Variants in COMMD10 observed in about 807,000 individuals in gnomAD.
COMMD10 encodes COMM domain containing 10.
In COMMD10, 33 loss-of-function variants were observed where a neutral mutation model predicts 28.9. The ratio of observed to expected loss-of-function variants is 1.14; its 90% CI spans 0.87 to 1.53. COMMD10 has a LOEUF of 1.53. Ranked by LOEUF, COMMD10 falls within the 40% of genes most tolerant of loss-of-function variation. The pLI is 0.00. For missense variants in COMMD10, 310 were observed against 233.4 expected (o/e 1.33, Z -2.14); for synonymous variants, 110 against 81.7 (o/e 1.35, Z -1.87).
In COMMD10 at chr5:116,219,508, A is replaced by G. The variant is rs534259284; in HGVS notation, c.511-72009A>G. Among the ~76,000 whole-genome samples, 46 of 152,292 alleles carry G rather than the reference A, an allele frequency of 3.0e-4. 1 individual carries two copies. In the South Asian group the frequency reaches 9.1e-3, roughly 30 times the overall value. On this transcript the variant is annotated intron_variant, in intron 5 of 6. Transcript: ENST00000274458. ...AGAGGGAGATTTGACACAGACATAC[A>G]TAAGAGAAGGTGGTACGATCACTAA...
intron 5 of COMMD10, among the ~76,000 whole-genome samples, chr5:116,180,711 C>T (rs1055958042): frequency 2.1e-4 from 32 of 151,902 alleles, no homozygotes; most frequent in Middle Eastern, 3.4e-3. Flanking sequence ...AAAATATATT[C>T]TTAAAACTAT....
At chr5:116,277,552 G>A (rs1041977164) in intron 5 of COMMD10, among the ~76,000 whole-genome samples, 3 of 151,896 alleles carry the variant, frequency 2.0e-5, no homozygotes, top group Non-Finnish European at 4.4e-5. Flanking sequence ...AGGTAAAATA[G>A]CATGTTTCCT....
intron 5 of COMMD10, among the ~76,000 whole-genome samples, chr5:116,243,097 G>A (rs1749852835): frequency 6.6e-6 from 1 of 152,132 alleles, no homozygotes; most frequent in African/African-American, 2.4e-5. Context: ...TGTCCAAGAA[G>A]TACTACTCAT....
intron 4 of COMMD10, among the ~76,000 whole-genome samples, chr5:116,097,819 A>T (rs1750516778): frequency 6.6e-6 from 1 of 151,970 alleles, no homozygotes; most frequent in African/African-American, 2.4e-5. Flanking sequence ...AGAGAGAGGG[A>T]GGAGGGAGGG....
chr5:116,282,720 C>A (rs1178389251), intron 5 of COMMD10, among the ~76,000 whole-genome samples: 3 of 151,898 alleles, frequency 2.0e-5, no homozygotes. Flanking sequence ...TTTGCATGGT[C>A]TTCCTTTTGT....
intron 5 of COMMD10, among the ~76,000 whole-genome samples, chr5:116,220,306 C>T (rs758379605): frequency 5.9e-5 from 9 of 152,012 alleles, no homozygotes; most frequent in Non-Finnish European, 1.0e-4. Context: ...GTGAAGACTA[C>T]GTGAATTGAG....
rs1749340061 is a variant in COMMD10, at chr5:116,224,400, T to A, written c.511-67117T>A. On this transcript the variant is annotated intron_variant, in intron 5 of 6. Coordinates refer to ENST00000274458, the MANE Select transcript of COMMD10 (RefSeq NM_016144.4). ...AAAGGAATATCTGAGACTGGGTAAT[T>A]TACAAAGGAATGATATTTATTTTGG... is the stretch of plus-strand genomic sequence containing the variant. Among the ~76,000 whole-genome samples, 3 of 152,236 alleles carry A rather than the reference T, an allele frequency of 2.0e-5. No individual in the cohort carries two copies. The South Asian group carries it at 6.2e-4, about 32-fold the overall frequency.
intron 4 of COMMD10, among the ~76,000 whole-genome samples, chr5:116,100,580 TTCCC>T (rs57631283): frequency 0.052 from 7,827 of 151,496 alleles, 282 homozygotes; most frequent in East Asian, 0.15. Context: ...AAAAGGCTTT[TTCCC>T]ATGGTGTATC....
chr5:116,149,866 T>A (rs1221671409), intron 5 of COMMD10, among the ~76,000 whole-genome samples: 1 of 150,858 alleles, frequency 6.6e-6, no homozygotes, highest in African/African-American at 2.4e-5. Context: ...TTTAATTAGA[T>A]CCCATTTGTC....
At chr5:116,286,178 T>C (rs1379473998) in intron 5 of COMMD10, among the ~76,000 whole-genome samples, 1 of 151,772 alleles carries the variant, frequency 6.6e-6, no homozygotes, top group African/African-American at 2.4e-5. Flanking sequence ...TATAACACTT[T>C]TTTATTTCTA....
chr5:116,085,524 C>G (rs1229041602), intron 1 of COMMD10: 1 of 179,960 alleles, frequency 5.6e-6, no homozygotes, highest in Non-Finnish European at 1.2e-5. Context: ...CTTTAATAGC[C>G]AACATGTGTT....
chr5:116,292,008 C>A lies in COMMD10; in HGVS notation c.570+432C>A, dbSNP rs1580367322. On this transcript the variant is annotated intron_variant, in intron 6 of 6. Transcript: ENST00000274458. ...CAGGAAAATATACTCCCTCCACCCC[C>A]CAACTTTAAAATATTATCAAGTAGG... 2.0e-5 allele frequency among the ~76,000 whole-genome samples: 3 copies of A among 151,906 alleles called. No homozygotes were observed. In the South Asian group the frequency reaches 6.2e-4, roughly 32 times the overall value.
intron 5 of COMMD10, among the ~76,000 whole-genome samples, chr5:116,264,714 T>G (rs1750538140): frequency 6.6e-6 from 1 of 151,896 alleles, no homozygotes; most frequent in African/African-American, 2.4e-5. Flanking sequence ...ATTTTTTTTC[T>G]TTAGGAGCTT....
At chr5:116,124,009 A>G (rs986299996) in intron 4 of COMMD10, among the ~76,000 whole-genome samples, 1 of 151,802 alleles carries the variant, frequency 6.6e-6, no homozygotes, top group Non-Finnish European at 1.5e-5. Flanking sequence ...TGATCTTTTC[A>G]AAAAACTGGT....
intron 5 of COMMD10, among the ~76,000 whole-genome samples, chr5:116,186,642 G>T (rs973013984): frequency 6.6e-6 from 1 of 152,078 alleles, no homozygotes; most frequent in Non-Finnish European, 1.5e-5. Flanking sequence ...CATTCTCCCT[G>T]TGCCTTTTAA....
chr5:116,116,247 A>G (rs1751230143), intron 4 of COMMD10, among the ~76,000 whole-genome samples: 1 of 152,184 alleles, frequency 6.6e-6, no homozygotes, highest in Admixed American at 6.5e-5. Flanking sequence ...ATTATTGAAT[A>G]CCTATCTTTT....
chr5:116,097,607 C>T (rs1750510302), intron 4 of COMMD10, among the ~76,000 whole-genome samples: 1 of 152,088 alleles, frequency 6.6e-6, no homozygotes, highest in Admixed American at 6.6e-5. Flanking sequence ...CATATTAGTC[C>T]ATTCTCACAT....
At chr5:116,290,293 A>G (rs552976080) in intron 5 of COMMD10, among the ~76,000 whole-genome samples, 63 of 152,048 alleles carry the variant, frequency 4.1e-4, no homozygotes, top group African/African-American at 1.5e-3. Context: ...CTAATATAGT[A>G]TAAAAACTTC....
chr5:116,101,925 C>A (rs542210888), intron 4 of COMMD10, among the ~76,000 whole-genome samples: 1 of 151,936 alleles, frequency 6.6e-6, no homozygotes, highest in Non-Finnish European at 1.5e-5. Context: ...TGTTGTTGTT[C>A]AGTTGTTTGG....
Sources: allele counts gnomAD v4.1 joint callset (sites outside exome capture counted in the v4.1 genomes callset), GRCh38; gene constraint gnomAD v4.1.1; transcripts MANE v1.5; gene names NCBI Gene and HGNC (gene_info 2026-07-23, HGNC 2026-07-21).